The following AKR1D1 variants were observed in gnomAD, a reference collection of about 807,000 sequenced individuals.
AKR1D1 encodes the protein delta(4)-3-ketosteroid 5-beta-reductase.
AKR1D1 carries 32 observed loss-of-function variants against 42.6 expected under a neutral mutation model. That is an observed-to-expected ratio of 0.75 (90% CI 0.57 to 1.01). The LOEUF is 1.01. Among genes scored for constraint, AKR1D1 ranks in the 50% least tolerant of loss-of-function variants. The pLI is 0.00. For missense variants in AKR1D1, 364 were observed against 402.2 expected (o/e 0.91, Z 0.81); for synonymous variants, 123 against 135.5 (o/e 0.91, Z 0.64).
At chr7:138,110,205 A>C (rs1218822867) in intron 7 of AKR1D1, among the ~76,000 whole-genome samples, 1 of 152,208 alleles carries the variant, frequency 6.6e-6, no homozygotes, top group Non-Finnish European at 1.5e-5. Context: ...TGTTAGAAAT[A>C]TTTTAAAAGA....
intron 4 of AKR1D1, among the ~76,000 whole-genome samples, chr7:138,098,513 G>C (rs1270258366): frequency 2.0e-5 from 3 of 152,118 alleles, no homozygotes; most frequent in Non-Finnish European, 4.4e-5. Flanking sequence ...AGGAGGCTGA[G>C]GCAGGAGAAT....
chr7:138,105,161 C>T (rs1794394662), intron 4 of AKR1D1, 146 bp from the exon 5 acceptor site: 1 of 1,074,326 alleles, frequency 9.3e-7, no homozygotes, highest in African/African-American at 1.6e-5. Flanking sequence ...CCTTTTCCCA[C>T]CATCCTTCTT....
Position 138,076,570 on chromosome 7 carries a change from A to T in AKR1D1, c.52A>T (p.Ile18Phe). Residue 18 changes from isoleucine to phenylalanine, a missense_variant, in exon 1 of 9, where the codon ATT becomes TTT. Transcript: ENST00000242375. ...CATACCTCTAAGTGATGGAAACAGC[A>T]TTCCCATCATCGGACTTGGTACCTA... ...HRIPLSDGNS[I>F]PIIGLGTYSE... 1 of 1,613,640 alleles carries T rather than the reference A, an allele frequency of 6.2e-7. No homozygotes were observed. Among genetic ancestry groups the T allele is most frequent in the Non-Finnish European group, 8.5e-7 (1 of 1,179,750 alleles).
chr7:138,101,208 C>CCTTA (rs1794309983), intron 4 of AKR1D1, among the ~76,000 whole-genome samples: 1 of 109,774 alleles, frequency 9.1e-6, no homozygotes, highest in Non-Finnish European at 1.8e-5. Context: ...TTCCTTCCTT[C>CCTTA]CTTCCTTCCT....
chr7:138,110,714 T>C (rs939649825), intron 7 of AKR1D1, among the ~76,000 whole-genome samples: 11 of 152,014 alleles, frequency 7.2e-5, no homozygotes, highest in African/African-American at 2.7e-4. Flanking sequence ...GATCATACCA[T>C]AGCACTCCAG....
chr7:138,095,277 A>ACCC lies in AKR1D1; in HGVS notation c.379-2589_379-2588insCCC, dbSNP rs1257195779. Reference sequence around the variant, plus strand: ...CACAAGGTAAGAAATATGGAGCAGAAATGTGGGTCATAAGTGTTGAGAAAT... The same window carrying ACCC: ...CACAAGGTAAGAAATATGGAGCAGAACCCATGTGGGTCATAAGTGTTGAGAAAT... On this transcript the variant is annotated intron_variant, in intron 3 of 8. Coordinates refer to ENST00000242375, the MANE Select transcript of AKR1D1 (RefSeq NM_005989.4). Among the ~76,000 whole-genome samples, 3 of 152,314 alleles carry ACCC rather than the reference A, an allele frequency of 2.0e-5. No individual in the cohort carries two copies. The East Asian group carries it at 5.8e-4, about 29-fold the overall frequency.
chr7:138,111,281 G>A (rs547382178), intron 7 of AKR1D1, among the ~76,000 whole-genome samples: 13 of 152,122 alleles, frequency 8.5e-5, no homozygotes, highest in Non-Finnish European at 1.8e-4. Flanking sequence ...TCCTCTCCAA[G>A]TATTATCCAC....
At chr7:138,097,734 T>C in intron 3 of AKR1D1, 132 bp from the exon 4 acceptor site, 2 of 806,002 alleles carry the variant, frequency 2.5e-6, no homozygotes, top group Admixed American at 2.5e-5. Context: ...CAAAATACTT[T>C]AGACTGGGTG....
At chr7:138,111,131 T>A (rs906047592) in intron 7 of AKR1D1, among the ~76,000 whole-genome samples, 3 of 152,098 alleles carry the variant, frequency 2.0e-5, no homozygotes, top group African/African-American at 4.8e-5. Flanking sequence ...TCCTAATAAA[T>A]CCTCCATAGC....
chr7:138,097,965 ATTT>A, intron 4 of AKR1D1, 22 bp downstream of exon 4: 1 of 1,547,304 alleles, frequency 6.5e-7, no homozygotes, highest in Non-Finnish European at 8.9e-7. Flanking sequence ...TGTGCTTCTT[ATTT>A]TAAAAGACGA....
chr7:138,088,817 T>C, intron 2 of AKR1D1, 49 bp downstream of exon 2: 2 of 1,547,204 alleles, frequency 1.3e-6, no homozygotes, highest in Non-Finnish European at 1.7e-6. Flanking sequence ...AAGGTTTCAG[T>C]TGTTCATTTT....
At position 138,097,916 on chromosome 7, in the gene AKR1D1, C is replaced by A. The variant is rs1794215533; in HGVS notation, c.429C>A (p.His143Gln). 1.2e-6 allele frequency: 2 copies of A among 1,609,962 alleles called. No individual in the cohort carries two copies. The highest frequency in any genetic ancestry group is 1.4e-5 in the African/African-American group (1 of 74,066). The change falls in exon 4 of 9, where the codon CAC becomes CAA. Residue 143 changes from histidine to glutamine, a missense_variant. By Grantham distance (24) the His-to-Gln change is conservative. Transcript: ENST00000242375. ...PRDENGKWLY[H>Q]KSNLCATWEA... is the part of the protein sequence containing the mutation. ...ATGAGAATGGCAAATGGTTATATCA[C>A]AAGTCAAATCTGTGTGCCACTTGGG...
intron 4 of AKR1D1, 22 bp downstream of exon 4, chr7:138,097,965 ATT>A (rs1346707781): frequency 2.7e-5 from 42 of 1,547,188 alleles, no homozygotes; most frequent in Non-Finnish European, 3.7e-5. Context: ...TGTGCTTCTT[ATT>A]TTAAAAGACG....
At chr7:138,102,109 G>C (rs971625194) in intron 4 of AKR1D1, among the ~76,000 whole-genome samples, 7 of 152,100 alleles carry the variant, frequency 4.6e-5, no homozygotes, top group Non-Finnish European at 7.3e-5. Context: ...TACTTGAAAG[G>C]CTGCAGCATG....
intron 4 of AKR1D1, among the ~76,000 whole-genome samples, chr7:138,102,437 G>T (rs1047190141): frequency 2.0e-5 from 3 of 152,188 alleles, no homozygotes; most frequent in Non-Finnish European, 4.4e-5. Context: ...CATGGGAGTT[G>T]CATGTGCCTG....
intron 1 of AKR1D1, among the ~76,000 whole-genome samples, 197 bp downstream of exon 1, chr7:138,076,808 T>A (rs760874257): frequency 6.6e-5 from 10 of 152,186 alleles, no homozygotes; most frequent in Non-Finnish European, 1.5e-4. Context: ...AATCAATTCA[T>A]GATTAAAAAT....
intron 1 of AKR1D1, among the ~76,000 whole-genome samples, chr7:138,086,447 G>C (rs940112065): frequency 2.0e-5 from 3 of 152,082 alleles, no homozygotes; most frequent in Admixed American, 6.5e-5. Flanking sequence ...GCTGAAATGT[G>C]TGTCTCCTTT....
chr7:138,116,935 C>T lies in AKR1D1; in HGVS notation c.*273C>T, dbSNP rs2117481599. The T allele has an allele frequency of 2.3e-6, 1 of 426,336 alleles. No individual in the cohort carries two copies. Among genetic ancestry groups the T allele is most frequent in the East Asian group, 4.0e-5 (1 of 25,076 alleles). 26.4% of individuals were successfully genotyped at this position (426,336 alleles called of 1,614,324 possible). On this transcript the variant is annotated 3_prime_UTR_variant, in exon 9 of 9. Coordinates refer to ENST00000242375, the MANE Select transcript of AKR1D1 (RefSeq NM_005989.4). ...AGATTCCAGACAGAAAAAAATTACACTTCAGAAAAGACATCAAAGGCAACA... is the reference window on the plus strand; with the variant it reads ...AGATTCCAGACAGAAAAAAATTACATTTCAGAAAAGACATCAAAGGCAACA...
intron 1 of AKR1D1, among the ~76,000 whole-genome samples, chr7:138,082,451 C>T (rs545364594): frequency 1.3e-5 from 2 of 151,944 alleles, no homozygotes; most frequent in Non-Finnish European, 2.9e-5. Flanking sequence ...CACTGAAGAT[C>T]TCACCTCCTG....
Sources: gnomAD v4.1 joint callset for allele counts (sites outside exome capture counted in the v4.1 genomes callset) on GRCh38, gnomAD v4.1.1 for gene constraint, MANE v1.5 for transcripts, NCBI Gene and HGNC (gene_info 2026-07-23, HGNC 2026-07-21) for gene names.